The following ACSL1 variants were observed in gnomAD, a reference collection of about 807,000 sequenced individuals.
The protein encoded by ACSL1 is long-chain-fatty-acid--CoA ligase 1.
ACSL1 carries 41 observed loss-of-function variants against 98.4 expected under a neutral mutation model. That is an observed-to-expected ratio of 0.42 (90% CI 0.32 to 0.54). ACSL1 has a LOEUF of 0.54. ACSL1 is among the 20% of genes least tolerant of loss of function. The pLI, the probability that ACSL1 is intolerant of heterozygous loss-of-function variation, is 0.13. For missense variants in ACSL1, 734 were observed against 883.1 expected, an observed-to-expected ratio of 0.83 and a Z score of 2.14; for synonymous variants, 316 against 322.7, an observed-to-expected ratio of 0.98 and a Z score of 0.22.
chr4:184,787,330 A>T (rs74565883), intron 3 of ACSL1, among the ~76,000 whole-genome samples: 2,110 of 152,314 alleles, frequency 0.014, 68 homozygotes, highest in African/African-American at 0.049. Context: ...CCTGTTCTCA[A>T]GGAGCTCGGG....
intron 4 of ACSL1, among the ~76,000 whole-genome samples, chr4:184,782,928 A>T (rs542539234): frequency 1.2e-4 from 19 of 152,110 alleles, no homozygotes; most frequent in Non-Finnish European, 2.6e-4. Context: ...CCACAGACGC[A>T]CCCCAAATAC....
intron 1 of ACSL1, chr4:184,813,732 T>C: frequency 2.4e-6 from 1 of 414,744 alleles, no homozygotes; most frequent in South Asian, 1.6e-5. Flanking sequence ...AACCACAAAG[T>C]AAGCCCTGAA....
intron 2 of ACSL1, among the ~76,000 whole-genome samples, chr4:184,792,384 A>G (rs1245718108): frequency 1.3e-5 from 2 of 152,196 alleles, no homozygotes; most frequent in Non-Finnish European, 2.9e-5. Context: ...AAACATTAGG[A>G]TCTGTGCTTC....
intron 1 of ACSL1, among the ~76,000 whole-genome samples, chr4:184,806,235 C>A (rs182910174): frequency 4.6e-5 from 7 of 152,232 alleles, no homozygotes; most frequent in African/African-American, 1.4e-4. Context: ...GTACACCAGG[C>A]GGGATAAGCA....
intron 1 of ACSL1, among the ~76,000 whole-genome samples, chr4:184,806,554 T>C (rs549174917): frequency 1.3e-5 from 2 of 152,360 alleles, no homozygotes. Flanking sequence ...AGTGAGAATC[T>C]TAAATAATTC....
At position 184,757,254 on chromosome 4, in the gene ACSL1, G is replaced by A. The variant is rs749747036; in HGVS notation, c.1968C>T (p.Ile656=). The change falls in exon 21 of 21, where the codon ATC becomes ATT. Residue 656 remains isoleucine, a synonymous_variant. Coordinates refer to ENST00000281455, the MANE Select transcript of ACSL1 (RefSeq NM_001995.5). The surrounding 1 kb of genome is among the most constrained non-coding windows in gnomAD (Gnocchi z 4.5). Reference sequence around the variant, plus strand: ...TAGAAAATAATTCAGGGTGCAATGTGATGCCTTTGACCTGCCAATAAACAA... The same window carrying A: ...TAGAAAATAATTCAGGGTGCAATGTAATGCCTTTGACCTGCCAATAAACAA... ...GLKPFEQVKG[I]TLHPELFSID... The A allele has an allele frequency of 1.3e-6, 2 of 1,598,296 alleles. No individual in the cohort carries two copies. The highest frequency in any genetic ancestry group is 1.1e-5 in the South Asian group (1 of 90,620).
intron 1 of ACSL1, among the ~76,000 whole-genome samples, chr4:184,824,486 T>C (rs11940804): frequency 0.47 from 71,189 of 151,968 alleles, 17,820 homozygotes; most frequent in African/African-American, 0.66. Context: ...CTTTAATATG[T>C]CTGTTTTAAA....
intron 2 of ACSL1, among the ~76,000 whole-genome samples, chr4:184,795,783 T>C (rs72695658): frequency 0.1 from 15,390 of 152,252 alleles, 953 homozygotes; most frequent in Non-Finnish European, 0.14. Flanking sequence ...TGTAAGAAAA[T>C]GTAATTTAGC....
In ACSL1 at chr4:184,773,797, G is replaced by A. The variant is rs770950469; in HGVS notation, c.789+46C>T. On this transcript the variant is annotated intron_variant, in intron 8 of 20. Transcript: ENST00000281455. This position sits in a 1 kb window ranked among gnomAD's most constrained non-coding sequence, Gnocchi z 4.3. ...GCCACAAGGTACCAGGCTAGATATT[G>A]AAAACTACAAAGAGGACAGAGCAGG... 1.9e-6 allele frequency: 3 copies of A among 1,613,676 alleles called. No individual in the cohort carries two copies. The highest frequency in any genetic ancestry group is 1.1e-5 in the South Asian group (1 of 91,040).
At chr4:184,823,589 T>G (rs1428847047) in intron 1 of ACSL1, among the ~76,000 whole-genome samples, 1 of 152,198 alleles carries the variant, frequency 6.6e-6, no homozygotes, top group Admixed American at 6.5e-5. Context: ...AACCTTATCT[T>G]TTCTCAAAAG....
chr4:184,804,283 T>C (rs1771033108), intron 1 of ACSL1, among the ~76,000 whole-genome samples: 1 of 152,202 alleles, frequency 6.6e-6, no homozygotes, highest in Admixed American at 6.5e-5. Flanking sequence ...GAATAGTATT[T>C]GAGATCCTAG....
chr4:184,811,341 C>T lies in ACSL1; in HGVS notation c.-32-7795G>A, dbSNP rs201855033. On this transcript the variant is annotated intron_variant, in intron 1 of 20. Coordinates refer to ENST00000281455, the MANE Select transcript of ACSL1 (RefSeq NM_001995.5). Reference sequence around the variant, plus strand: ...GTTGGCCAGGATGGTCTCGATCTCCCGACTTTGTGATCTGCCCGCCTTGGC... The same window carrying T: ...GTTGGCCAGGATGGTCTCGATCTCCTGACTTTGTGATCTGCCCGCCTTGGC... 5.6e-3 allele frequency among the ~76,000 whole-genome samples: 842 copies of T among 151,698 alleles called. 6 individuals carry two copies. Among genetic ancestry groups the T allele is most frequent in the African/African-American group, 0.018 (741 of 41,434 alleles).
intron 5 of ACSL1, among the ~76,000 whole-genome samples, chr4:184,779,329 T>C (rs1765831261): frequency 6.6e-6 from 1 of 152,206 alleles, no homozygotes; most frequent in Non-Finnish European, 1.5e-5. Context: ...TTCCGCATTT[T>C]CTCTTGCCGC....
At chr4:184,798,212 G>A (rs1162912707) in intron 2 of ACSL1, 2 of 152,144 alleles carry the variant, frequency 1.3e-5, no homozygotes, top group African/African-American at 2.4e-5. Context: ...AGACTAACTG[G>A]GTTAGTCACC....
intron 11 of ACSL1, 112 bp downstream of exon 11, chr4:184,770,287 G>T: frequency 6.4e-7 from 1 of 1,550,878 alleles, no homozygotes; most frequent in Non-Finnish European, 8.7e-7. Context: ...TGAGCAAGTG[G>T]TAAATATGAA....
intron 1 of ACSL1, among the ~76,000 whole-genome samples, chr4:184,811,930 C>T (rs918135946): frequency 6.6e-6 from 1 of 152,038 alleles, no homozygotes; most frequent in African/African-American, 2.4e-5. Flanking sequence ...TGGCAAAACA[C>T]TGAAGAGACA....
chr4:184,809,521 G>A (rs866477527), intron 1 of ACSL1, among the ~76,000 whole-genome samples: 103 of 152,282 alleles, frequency 6.8e-4, no homozygotes, highest in African/African-American at 2.3e-3. Flanking sequence ...GGCCGGGCGC[G>A]GTGGCTCACA....
At chr4:184,793,552 T>A (rs1484381796) in intron 2 of ACSL1, among the ~76,000 whole-genome samples, 1 of 152,224 alleles carries the variant, frequency 6.6e-6, no homozygotes, top group African/African-American at 2.4e-5. Context: ...CTCATTCATC[T>A]CCATCTCCAA....
chr4:184,825,195 G>A lies in ACSL1; in HGVS notation c.-33+721C>T. The A allele has an allele frequency of 1.0e-6, 1 of 985,334 alleles. No homozygotes were observed. Among genetic ancestry groups the A allele is most frequent in the Non-Finnish European group, 1.2e-6 (1 of 829,914 alleles). 61.0% of individuals were successfully genotyped at this position (985,334 alleles called of 1,614,324 possible). On this transcript the variant is annotated intron_variant, in intron 1 of 20. Coordinates refer to ENST00000281455, the MANE Select transcript of ACSL1 (RefSeq NM_001995.5). The surrounding 1 kb of genome is among the most constrained non-coding windows in gnomAD (Gnocchi z 4.7). Reference sequence around the variant, plus strand: ...TGGGGGAACGCCTGTCCCCAGACTCGAATCCACGTGTCCATTCAAGTCATC... The same window carrying A: ...TGGGGGAACGCCTGTCCCCAGACTCAAATCCACGTGTCCATTCAAGTCATC...
Sources: allele counts gnomAD v4.1 joint callset (sites outside exome capture counted in the v4.1 genomes callset), GRCh38; gene constraint gnomAD v4.1.1; non-coding constraint Gnocchi (gnomAD v3.1); transcripts MANE v1.5; gene names NCBI Gene and HGNC (gene_info 2026-07-23, HGNC 2026-07-21).